Variants in IPO13 observed in about 807,000 individuals in gnomAD.
The protein encoded by IPO13 is importin-13.
A neutral mutation model predicts 115.5 loss-of-function variants in IPO13; 28 were observed. The observed-to-expected ratio is 0.24, with a 90% confidence interval of 0.18 to 0.33. The LOEUF (loss-of-function observed/expected upper bound fraction) is 0.33. Among genes scored for constraint, IPO13 ranks in the 10% least tolerant of loss-of-function variants. The pLI is 1.00. For missense variants in IPO13, 785 were observed against 1,204.6 expected (o/e 0.65, Z 5.16); for synonymous variants, 414 against 478.9 (o/e 0.86, Z 1.77).
In IPO13 at chr1:43,956,449, G is replaced by A; in HGVS notation, c.951G>A (p.Glu317=). 1.2e-6 allele frequency: 2 copies of A among 1,614,170 alleles called. No individual in the cohort carries two copies. The highest frequency in any genetic ancestry group is 1.7e-6 in the Non-Finnish European group (2 of 1,180,032). ...GICRIAVALG[E]NHSRALLDQV... The stretch of plus-strand genomic sequence containing the variant: ...GTCGCATCGCTGTGGCCCTGGGCGA[G>A]AACCACTCCCGGTAAAGGGTGGAGC... The change falls in exon 3 of 20, where the codon GAG becomes GAA. Residue 317 remains glutamate, a synonymous_variant. Coordinates refer to ENST00000372343, the MANE Select transcript of IPO13 (RefSeq NM_014652.4). The surrounding 1 kb of genome is among the most constrained non-coding windows in gnomAD (Gnocchi z 4.7).
intron 1 of IPO13, among the ~76,000 whole-genome samples, chr1:43,949,132 A>G (rs2085188000): frequency 6.6e-6 from 1 of 152,118 alleles, no homozygotes; most frequent in Non-Finnish European, 1.5e-5. Flanking sequence ...CCCTTTGGGG[A>G]GATCAGCCTC....
intron 2 of IPO13, among the ~76,000 whole-genome samples, chr1:43,953,025 C>T (rs1255764617): frequency 1.3e-5 from 2 of 152,176 alleles, no homozygotes; most frequent in African/African-American, 2.4e-5. Context: ...TGTGAGGTGT[C>T]CTTGGATACA....
rs757349852 is a variant in IPO13 at position 43,966,994 on chromosome 1, G to A, written c.2588G>A (p.Arg863His). Residue 863 changes from arginine to histidine, a missense_variant, in exon 18 of 20, where the codon CGT becomes CAT. Physicochemically the swap from Arg to His is conservative, Grantham distance 29. This residue lies in a region of IPO13 where 285 missense variants were observed against 394.8 expected (regional missense o/e 0.72). Coordinates refer to ENST00000372343, the MANE Select transcript of IPO13 (RefSeq NM_014652.4). This position sits in a 1 kb window ranked among gnomAD's most constrained non-coding sequence, Gnocchi z 4.1. ...GGAAAGGTGGTACAGGAAGACGGTC[G>A]TATGCTGCTCATAGCAGTGCTGGAG... ...SVGKVVQEDG[R>H]MLLIAVLEAI... The A allele has an allele frequency of 1.6e-5, 26 of 1,613,728 alleles. No homozygotes were observed. The highest frequency in any genetic ancestry group is 1.6e-4 in the Middle Eastern group (1 of 6,084).
chr1:43,956,361 G>C lies in IPO13; in HGVS notation c.863G>C (p.Gly288Ala). The part of the protein sequence containing the change: ...TLLKLIPLVL[G>A]LQEQLRQAVQ... ...CTGAAACTCATCCCGCTGGTGCTGG[G>C]TCTGCAGGAACAACTGCGGCAGGCA... Residue 288 changes from glycine (G) to alanine (A), a missense_variant, in exon 3 of 20, where the codon GGT becomes GCT. Around this residue, in one of 3 missense-constraint regions of IPO13, gnomAD observed 325 missense variants for 449.8 expected, o/e 0.72. Coordinates refer to ENST00000372343, the MANE Select transcript of IPO13 (RefSeq NM_014652.4). The surrounding 1 kb of genome is among the most constrained non-coding windows in gnomAD (Gnocchi z 4.7). The C allele has an allele frequency of 6.2e-7, 1 of 1,614,192 alleles. No homozygotes were observed. The highest frequency in any genetic ancestry group is 1.1e-5 in the South Asian group (1 of 91,082).
Position 43,967,586 on chromosome 1 carries a change from C to T in IPO13, c.2796C>T (p.Arg932=), listed in dbSNP as rs1490531920. 7.4e-6 allele frequency: 12 copies of T among 1,614,068 alleles called. No homozygotes were observed. The highest frequency in any genetic ancestry group is 2.7e-5 in the African/African-American group (2 of 74,928). ...QKDTFSQQIL[R]ERVNKRRVKE... is the part of the protein sequence containing the mutation. ...ACCTGCTCTCCCTTTTCTCCTTCAG[C>T]GAGCGAGTGAACAAGAGGCGGGTGA... The change falls in exon 20 of 20, where the codon CGC becomes CGT. Residue 932 remains arginine (R), a splice_region_variant and synonymous_variant. Transcript: ENST00000372343. This position sits in a 1 kb window ranked among gnomAD's most constrained non-coding sequence, Gnocchi z 6.1.
chr1:43,951,633 A>G (rs1268257209), intron 2 of IPO13, among the ~76,000 whole-genome samples: 1 of 152,242 alleles, frequency 6.6e-6, no homozygotes, highest in Non-Finnish European at 1.5e-5. Context: ...TAAAGATATT[A>G]AAGGATTATA....
Position 43,949,759 on chromosome 1 carries a change from G to T in IPO13, c.427G>T (p.Val143Leu), listed in dbSNP as rs1571761467. Reference sequence around the variant, plus strand: ...GATGCCTGACGCTTGGCCATGTGCTGTGGCAGATATGGTACGACTCTTCCA... The same window carrying T: ...GATGCCTGACGCTTGGCCATGTGCTTTGGCAGATATGGTACGACTCTTCCA... ...SMMPDAWPCA[V>L]ADMVRLFQAE... Residue 143 changes from valine to leucine, a missense_variant, in exon 2 of 20, where the codon GTG (valine) becomes TTG (leucine). Coordinates refer to ENST00000372343, the MANE Select transcript of IPO13 (RefSeq NM_014652.4). 1 of 1,614,204 alleles carries T rather than the reference G, an allele frequency of 6.2e-7. No individual in the cohort carries two copies. The highest frequency in any genetic ancestry group is 2.2e-5 in the East Asian group (1 of 44,888).
intron 5 of IPO13, 74 bp downstream of exon 5, chr1:43,957,050 C>T (rs1032603854): frequency 1.3e-6 from 2 of 1,571,518 alleles, no homozygotes; most frequent in African/African-American, 2.7e-5. Flanking sequence ...GGGCCCAAGT[C>T]CAGGCTTTCT....
intron 14 of IPO13, 44 bp from the exon 15 acceptor site, chr1:43,964,225 G>C: frequency 7.2e-7 from 1 of 1,398,326 alleles, no homozygotes; most frequent in Non-Finnish European, 1.0e-6. Flanking sequence ...TTGAGTTGCT[G>C]TTTGTATAAT....
At chr1:43,950,726 C>T (rs141588312) in intron 2 of IPO13, among the ~76,000 whole-genome samples, 77 of 152,362 alleles carry the variant, frequency 5.1e-4, no homozygotes, top group African/African-American at 1.8e-3. Flanking sequence ...CACGCTCACA[C>T]AGTTTCTTTA....
chr1:43,967,987 A>AC lies in IPO13; in HGVS notation c.*312dup, dbSNP rs774893337. On this transcript the variant is annotated 3_prime_UTR_variant, in exon 20 of 20. Transcript: ENST00000372343. The surrounding 1 kb of genome is among the most constrained non-coding windows in gnomAD (Gnocchi z 6.1). ...CGGGGTGGTTGCAGTAGTGTCATCA[A>AC]CCCCCCCATCCCCATTAAATTAATC... is the stretch of plus-strand genomic sequence containing the variant. 27 of 482,812 alleles carry AC rather than the reference A, an allele frequency of 5.6e-5. No homozygotes were observed. The highest frequency in any genetic ancestry group is 1.0e-4 in the Admixed American group (3 of 29,360). The allele number at this position is 482,812 out of a possible 1,614,324, so 29.9% of individuals were successfully genotyped here.
chr1:43,950,156 G>A lies in IPO13; in HGVS notation c.821+3G>A. On this transcript the variant is annotated splice_donor_region_variant and intron_variant, in intron 2 of 19. Transcript: ENST00000372343. The stretch of plus-strand genomic sequence containing the variant: ...ATCTCACAGCCTGATGCCCAGAGGT[G>A]AGCTAGTACCCACTCACCCAGAAGA... The A allele has an allele frequency of 6.3e-7, 1 of 1,598,774 alleles. No homozygotes were observed. The highest frequency in any genetic ancestry group is 8.5e-7 in the Non-Finnish European group (1 of 1,170,130).
At chr1:43,961,468 C>A (rs1276589873) in intron 14 of IPO13, among the ~76,000 whole-genome samples, 2 of 152,060 alleles carry the variant, frequency 1.3e-5, no homozygotes, top group East Asian at 3.9e-4. Flanking sequence ...ATGATGTCTT[C>A]TGCTGGCCTG....
intron 2 of IPO13, among the ~76,000 whole-genome samples, chr1:43,954,378 C>T (rs934403956): frequency 5.3e-5 from 8 of 152,214 alleles, no homozygotes; most frequent in African/African-American, 1.7e-4. Context: ...AGAAGGAGGC[C>T]GATGTCCCTA....
chr1:43,950,058 C>A lies in IPO13; in HGVS notation c.726C>A (p.Leu242=). The stretch of plus-strand genomic sequence containing the variant: ...TGCCGCTGCAGGACTGTGAGGCGCT[C>A]ATTCAGGCTGCCTTTGCTGCTCTGC... The part of the protein sequence containing the change: ...LEVPLQDCEA[L]IQAAFAALQD... Residue 242 remains leucine, a synonymous_variant, in exon 2 of 20, where the codon CTC becomes CTA. Transcript: ENST00000372343. The A allele has an allele frequency of 6.2e-7, 1 of 1,613,826 alleles. No individual in the cohort carries two copies. The highest frequency in any genetic ancestry group is 1.1e-5 in the South Asian group (1 of 91,054).
At position 43,966,910 on chromosome 1, in the gene IPO13, G is replaced by A. The variant is rs2085329690; in HGVS notation, c.2524-20G>A. 1 of 1,612,222 alleles carries A rather than the reference G, an allele frequency of 6.2e-7. No individual in the cohort carries two copies. Among genetic ancestry groups the A allele is most frequent in the Admixed American group, 1.7e-5 (1 of 60,012 alleles). On this transcript the variant is annotated intron_variant, in intron 17 of 19. Coordinates refer to ENST00000372343, the MANE Select transcript of IPO13 (RefSeq NM_014652.4). This position sits in a 1 kb window ranked among gnomAD's most constrained non-coding sequence, Gnocchi z 4.1. ...GAGCTGGGAAGGAGCTGGGCTGATG[G>A]GCCTCTCCATCCTCTGCAGACAGAG...
In IPO13 at chr1:43,964,853, A is replaced by G. The variant is rs988594773; in HGVS notation, c.2397+532A>G. ...TGCTAGGAGGTGGAGTGCAGGCTCC[A>G]TGCTAGGATGTGTTTGCATTTTGTA... On this transcript the variant is annotated intron_variant, in intron 15 of 19. Coordinates refer to ENST00000372343, the MANE Select transcript of IPO13 (RefSeq NM_014652.4). Among the ~76,000 whole-genome samples the G allele has an allele frequency of 2.0e-5, 3 of 152,306 alleles. No individual in the cohort carries two copies. In the East Asian group the frequency reaches 5.8e-4, roughly 29 times the overall value.
rs2085337649 is a variant in IPO13, at chr1:43,967,861, G to A, written c.*179G>A. 1.6e-6 allele frequency: 1 copy of A among 633,406 alleles called. No individual in the cohort carries two copies. Among genetic ancestry groups the A allele is most frequent in the Admixed American group, 2.6e-5 (1 of 38,096 alleles). 39.2% of individuals were successfully genotyped at this position (633,406 alleles called of 1,614,324 possible). A position where few individuals can be genotyped will look rare whatever the true frequency, so the allele number is the denominator to read the frequency against. Reference sequence around the variant, plus strand: ...ATGCTTGGACCCAGGCCTTGGGAGGGAATGGTGGGAACATCCTCTAGCTCC... The same window carrying A: ...ATGCTTGGACCCAGGCCTTGGGAGGAAATGGTGGGAACATCCTCTAGCTCC... On this transcript the variant is annotated 3_prime_UTR_variant, in exon 20 of 20. Coordinates refer to ENST00000372343, the MANE Select transcript of IPO13 (RefSeq NM_014652.4). This position sits in a 1 kb window ranked among gnomAD's most constrained non-coding sequence, Gnocchi z 6.1.
At chr1:43,963,105 T>C (rs1443500481) in intron 14 of IPO13, among the ~76,000 whole-genome samples, 3 of 152,232 alleles carry the variant, frequency 2.0e-5, no homozygotes, top group Admixed American at 6.5e-5. Context: ...ACAGACTTTA[T>C]TGGTGACTCT....
Sources: gnomAD v4.1 joint callset for allele counts (sites outside exome capture counted in the v4.1 genomes callset) on GRCh38, gnomAD v4.1.1 for gene constraint, gnomAD v4.1.1 regional missense constraint, Gnocchi (gnomAD v3.1) non-coding constraint, MANE v1.5 for transcripts, NCBI Gene and HGNC (gene_info 2026-07-23, HGNC 2026-07-21) for gene names.